The following FGF12 variants were observed in gnomAD, a reference collection of about 807,000 sequenced individuals.
FGF12 encodes the protein fibroblast growth factor 12.
FGF12 carries 14 observed loss-of-function variants against 23.6 expected under a neutral mutation model. The observed-to-expected ratio is 0.59, with a 90% CI of 0.39 to 0.93. The LOEUF (loss-of-function observed/expected upper bound fraction) is 0.93. FGF12 is among the 40% of genes least tolerant of loss of function. The probability of loss-of-function intolerance (pLI) is 0.00; values close to 1 mark genes in which losing one functional copy is unlikely to be tolerated. For synonymous variants in FGF12, 62 were observed against 77.3 expected (o/e 0.80, Z 1.04); for missense variants, 175 against 217.8 (o/e 0.80, Z 1.24).
At chr3:192,322,708 G>A (rs184388704) in intron 4 of FGF12, among the ~76,000 whole-genome samples, 3 of 152,172 alleles carry the variant, frequency 2.0e-5, no homozygotes, top group African/African-American at 7.2e-5. Context: ...CCTCTACAGA[G>A]AACTCATTTT....
chr3:192,329,880 A>G (rs983351604), intron 4 of FGF12, among the ~76,000 whole-genome samples: 1 of 152,194 alleles, frequency 6.6e-6, no homozygotes, highest in Non-Finnish European at 1.5e-5. Flanking sequence ...GAACTATCGA[A>G]AAAGGTGTTT....
In FGF12 at chr3:192,450,149, A is replaced by G. The variant is rs181631768; in HGVS notation, c.14-89611T>C. Among the ~76,000 whole-genome samples the G allele has an allele frequency of 2.0e-5, 3 of 152,152 alleles. No homozygotes were observed. The East Asian group carries it at 5.8e-4, about 29-fold the overall frequency. ...AAGACCTTCTAAATCTAAAAATCCC[A>G]TTTTTCCCACTGCACCAAGATACCC... On this transcript the variant is annotated intron_variant, in intron 2 of 5. Coordinates refer to ENST00000445105, the MANE Select transcript of FGF12 (RefSeq NM_004113.6).
At chr3:192,432,896 A>G (rs577458743) in intron 2 of FGF12, among the ~76,000 whole-genome samples, 1 of 152,238 alleles carries the variant, frequency 6.6e-6, no homozygotes, top group East Asian at 1.9e-4. Context: ...ATGCAGCATG[A>G]GAGAACTATT....
intron 2 of FGF12, among the ~76,000 whole-genome samples, chr3:192,674,109 G>A (rs34325968): frequency 1.3e-5 from 2 of 150,930 alleles, no homozygotes; most frequent in African/African-American, 4.8e-5. Context: ...TTCATACTCA[G>A]GATTTTTTTG....
intron 2 of FGF12, among the ~76,000 whole-genome samples, chr3:192,571,888 G>A (rs1712650606): frequency 6.6e-6 from 1 of 151,176 alleles, no homozygotes; most frequent in African/African-American, 2.4e-5. Context: ...AGGAGTCTTT[G>A]CCCCTCCTGG....
At chr3:192,276,930 G>C (rs1713826583) in intron 4 of FGF12, among the ~76,000 whole-genome samples, 1 of 152,138 alleles carries the variant, frequency 6.6e-6, no homozygotes, top group African/African-American at 2.4e-5. Context: ...CAGTCTATTA[G>C]CATTAAATCA....
intron 4 of FGF12, among the ~76,000 whole-genome samples, chr3:192,271,985 A>G (rs1486337259): frequency 6.6e-6 from 1 of 152,062 alleles, no homozygotes; most frequent in Non-Finnish European, 1.5e-5. Flanking sequence ...ATCTGGTCCT[A>G]CTCATTTCTC....
chr3:192,579,598 G>A (rs1461313929), intron 2 of FGF12, among the ~76,000 whole-genome samples: 2 of 152,144 alleles, frequency 1.3e-5, no homozygotes, highest in Non-Finnish European at 2.9e-5. Context: ...CTGTCACCCA[G>A]GTTCGAGTGC....
At chr3:192,225,388 T>C (rs1490244030) in intron 4 of FGF12, among the ~76,000 whole-genome samples, 1 of 152,094 alleles carries the variant, frequency 6.6e-6, no homozygotes, top group African/African-American at 2.4e-5. Flanking sequence ...ATTCTCTCCC[T>C]CATGCTAATC....
At position 192,408,361 on chromosome 3, in the gene FGF12, G is replaced by A. The variant is rs558901995; in HGVS notation, c.14-47823C>T. On this transcript the variant is annotated intron_variant, in intron 2 of 5. Coordinates refer to ENST00000445105, the MANE Select transcript of FGF12 (RefSeq NM_004113.6). This position sits in a 1 kb window ranked among gnomAD's most constrained non-coding sequence, Gnocchi z 7.3. ...AGTGCTAAAATTTGAGGAGGCTGCA[G>A]TATCGAAAACCCGGCGCTCACAAGG... 960 of 1,424,214 alleles carry A rather than the reference G, an allele frequency of 6.7e-4. 1 individual carries two copies. The highest frequency in any genetic ancestry group is 7.9e-4 in the Non-Finnish European group (867 of 1,093,158). 88.2% of individuals were successfully genotyped at this position (1,424,214 alleles called of 1,614,324 possible). A position where few individuals can be genotyped will look rare whatever the true frequency, so the allele number is the denominator to read the frequency against.
At chr3:192,564,219 A>G (rs1274514489) in intron 2 of FGF12, among the ~76,000 whole-genome samples, 1 of 152,010 alleles carries the variant, frequency 6.6e-6, no homozygotes, top group African/African-American at 2.4e-5. Flanking sequence ...GCCCGCCACC[A>G]TGCCCGGCTA....
chr3:192,330,654 G>A (rs1371521872), intron 4 of FGF12, among the ~76,000 whole-genome samples: 2 of 152,060 alleles, frequency 1.3e-5, no homozygotes, highest in African/African-American at 4.8e-5. Flanking sequence ...AGTGAGCTGA[G>A]ATCACACCAC....
At chr3:192,440,469 G>A (rs775427068) in intron 2 of FGF12, among the ~76,000 whole-genome samples, 4 of 152,212 alleles carry the variant, frequency 2.6e-5, no homozygotes, top group South Asian at 4.2e-4. Flanking sequence ...ATGTGTCAAC[G>A]TTTCTGGAAT....
chr3:192,655,247 G>A (rs1716358911), intron 2 of FGF12, among the ~76,000 whole-genome samples: 1 of 152,158 alleles, frequency 6.6e-6, no homozygotes, highest in Non-Finnish European at 1.5e-5. Flanking sequence ...GCAACAATGT[G>A]CCCAGCTACA....
intron 2 of FGF12, among the ~76,000 whole-genome samples, chr3:192,481,926 G>C (rs1723491325): frequency 1.3e-5 from 2 of 152,146 alleles, no homozygotes; most frequent in Non-Finnish European, 2.9e-5. Flanking sequence ...GAACCTTAAA[G>C]ACTGCTGGGT....
intron 2 of FGF12, among the ~76,000 whole-genome samples, chr3:192,707,958 T>C (rs1718530737): frequency 6.6e-6 from 1 of 151,490 alleles, no homozygotes; most frequent in Admixed American, 6.6e-5. Context: ...TTATTATTAT[T>C]TATTTATTTA....
chr3:192,579,568 T>C (rs1713047974), intron 2 of FGF12, among the ~76,000 whole-genome samples: 1 of 152,200 alleles, frequency 6.6e-6, no homozygotes, highest in Admixed American at 6.5e-5. Flanking sequence ...TTATCATTAT[T>C]ATTGAGACGA....
Position 192,269,268 on chromosome 3 carries a change from G to T in FGF12, c.228+66093C>A, listed in dbSNP as rs570207355. On this transcript the variant is annotated intron_variant, in intron 4 of 5. Transcript: ENST00000445105. ...GAAAGCCACCCACTAGAACATAAAAGAAAATTTAAAAAAATGCCTCTCTTC... is the reference window on the plus strand; with the variant it reads ...GAAAGCCACCCACTAGAACATAAAATAAAATTTAAAAAAATGCCTCTCTTC... 2.0e-5 allele frequency among the ~76,000 whole-genome samples: 3 copies of T among 152,134 alleles called. No homozygotes were observed. In the South Asian group the frequency reaches 6.2e-4, roughly 32 times the overall value.
chr3:192,479,539 A>G (rs140539758), intron 2 of FGF12, among the ~76,000 whole-genome samples: 31 of 152,354 alleles, frequency 2.0e-4, no homozygotes, highest in African/African-American at 7.5e-4. Context: ...AAAAGTCTGC[A>G]GACTCTCCTA....
Sources: allele counts gnomAD v4.1 joint callset (sites outside exome capture counted in the v4.1 genomes callset), GRCh38; gene constraint gnomAD v4.1.1; non-coding constraint Gnocchi (gnomAD v3.1); transcripts MANE v1.5; gene names NCBI Gene and HGNC (gene_info 2026-07-23, HGNC 2026-07-21).